Variants in LRRC4C observed in about 807,000 individuals in gnomAD.
LRRC4C encodes leucine-rich repeat-containing protein 4C.
Under a neutral mutation model 33.6 loss-of-function variants are expected in LRRC4C, and 5 were observed. The ratio of observed to expected loss-of-function variants is 0.15; its 90% confidence interval spans 0.08 to 0.31. The LOEUF (loss-of-function observed/expected upper bound fraction) is 0.31. LRRC4C is among the 10% of genes least tolerant of loss of function. The pLI, the probability that LRRC4C is intolerant of heterozygous loss-of-function variation, is 1.00. For synonymous variants in LRRC4C, 329 were observed against 302.0 expected (o/e 1.09, Z -0.93); for missense variants, 560 against 796.7 (o/e 0.70, Z 3.58).
chr11:40,497,256 T>C (rs1449658318), intron 3 of LRRC4C, among the ~76,000 whole-genome samples: 1 of 152,010 alleles, frequency 6.6e-6, no homozygotes, highest in Admixed American at 6.6e-5. Flanking sequence ...ATACAAAAAT[T>C]AGCCAGGCAT....
At chr11:41,184,672 A>G (rs150295816) in intron 1 of LRRC4C, among the ~76,000 whole-genome samples, 1 of 152,142 alleles carries the variant, frequency 6.6e-6, no homozygotes, top group African/African-American at 2.4e-5. Flanking sequence ...AACTGTTCCA[A>G]TCACTGCCTG....
intron 1 of LRRC4C, among the ~76,000 whole-genome samples, chr11:41,248,295 C>A (rs929283158): frequency 3.9e-5 from 6 of 152,148 alleles, no homozygotes; most frequent in African/African-American, 1.4e-4. Flanking sequence ...TATGACCTTT[C>A]TCCTCTCTAT....
chr11:40,312,410 T>C (rs995925005), intron 4 of LRRC4C, among the ~76,000 whole-genome samples: 32 of 152,208 alleles, frequency 2.1e-4, no homozygotes, highest in African/African-American at 7.7e-4. Context: ...GTGAAAACAG[T>C]GCTGTGAGAT....
chr11:40,343,725 A>AG (rs1555025544), intron 3 of LRRC4C, among the ~76,000 whole-genome samples: 9 of 151,092 alleles, frequency 6.0e-5, no homozygotes, highest in African/African-American at 9.7e-5. Context: ...AAAAAAAAAA[A>AG]AGAGAGAGAC....
At chr11:41,347,210 A>G (rs940848310) in intron 1 of LRRC4C, among the ~76,000 whole-genome samples, 2 of 152,224 alleles carry the variant, frequency 1.3e-5, no homozygotes, top group South Asian at 4.1e-4. Context: ...CTTGAGTTAT[A>G]GCACAGGAGG....
chr11:40,580,409 T>A (rs969947892), intron 3 of LRRC4C, among the ~76,000 whole-genome samples: 2 of 151,954 alleles, frequency 1.3e-5, no homozygotes, highest in Admixed American at 6.6e-5. Flanking sequence ...TCAAATCACC[T>A]CCCTCCCACA....
chr11:40,727,661 A>C (rs536495641), intron 2 of LRRC4C, among the ~76,000 whole-genome samples: 2 of 152,338 alleles, frequency 1.3e-5, no homozygotes, highest in Admixed American at 1.3e-4. Flanking sequence ...TGCATTCAAC[A>C]GAGGATCGAT....
intron 2 of LRRC4C, among the ~76,000 whole-genome samples, chr11:40,760,338 A>T (rs1477815485): frequency 6.6e-6 from 1 of 151,746 alleles, no homozygotes; most frequent in African/African-American, 2.4e-5. Context: ...GTGCCGAAAA[A>T]GGGAGAACTG....
Position 40,522,862 on chromosome 11 carries a change from C to T in LRRC4C, c.-270+125280G>A, listed in dbSNP as rs72901054. Among the ~76,000 whole-genome samples the T allele has an allele frequency of 3.6e-3, 546 of 152,220 alleles. 2 individuals carry two copies. The highest frequency in any genetic ancestry group is 6.0e-3 in the Non-Finnish European group (406 of 68,010). ...AATGTCTTCAAGTTCCATCATGTTA[C>T]GGCATAGGTCCAAATATCTTTTCTC... On this transcript the variant is annotated intron_variant, in intron 3 of 6. Transcript: ENST00000528697.
chr11:40,921,308 G>T (rs1440811041), intron 2 of LRRC4C, among the ~76,000 whole-genome samples: 14 of 152,242 alleles, frequency 9.2e-5, no homozygotes, highest in Non-Finnish European at 1.5e-5. Context: ...ATTTGAAACA[G>T]AAAAGTAACT....
At chr11:40,697,645 C>T (rs1171392454) in intron 2 of LRRC4C, among the ~76,000 whole-genome samples, 1 of 152,094 alleles carries the variant, frequency 6.6e-6, no homozygotes, top group African/African-American at 2.4e-5. Context: ...TTAGAGTTAG[C>T]TTACTCCCTT....
At chr11:41,215,014 G>GTATA (rs34328057) in intron 1 of LRRC4C, among the ~76,000 whole-genome samples, 12,541 of 130,832 alleles carry the variant, frequency 0.096, 658 homozygotes, top group Middle Eastern at 0.16. Context: ...TTTTATTCAT[G>GTATA]TATATATATA....
chr11:40,812,016 C>T (rs190509616), intron 2 of LRRC4C, among the ~76,000 whole-genome samples: 1 of 152,240 alleles, frequency 6.6e-6, no homozygotes, highest in African/African-American at 2.4e-5. Context: ...CTTCATGCAC[C>T]TTTTCCCTAT....
chr11:41,305,004 G>T (rs1308512894), intron 1 of LRRC4C, among the ~76,000 whole-genome samples: 48 of 83,442 alleles, frequency 5.8e-4, no homozygotes, highest in East Asian at 2.3e-3. Context: ...GGGAAGTGAG[G>T]AGCCCCTCTG....
At chr11:40,498,380 T>C (rs959806328) in intron 3 of LRRC4C, among the ~76,000 whole-genome samples, 1 of 152,232 alleles carries the variant, frequency 6.6e-6, no homozygotes, top group Non-Finnish European at 1.5e-5. Context: ...CCACTGCCAC[T>C]GATGCCGCAA....
chr11:40,470,105 G>A (rs989911633), intron 3 of LRRC4C, among the ~76,000 whole-genome samples: 2 of 152,172 alleles, frequency 1.3e-5, no homozygotes, highest in Non-Finnish European at 2.9e-5. Context: ...CTCCCAGCAG[G>A]GGTCGACAGA....
At chr11:41,405,912 A>C (rs1954213866) in intron 1 of LRRC4C, among the ~76,000 whole-genome samples, 1 of 152,182 alleles carries the variant, frequency 6.6e-6, no homozygotes, top group African/African-American at 2.4e-5. Context: ...AAAGATAAAA[A>C]ATATAAAAGA....
chr11:40,135,764 G>A lies in LRRC4C; in HGVS notation c.-43+5037C>T, dbSNP rs780052486. On this transcript the variant is annotated intron_variant, in intron 6 of 6. Transcript: ENST00000528697. ...CGATTCTAATATGGATATTAGAGAC[G>A]TTGGGTGATAATAATGCAAGTTACT... 3.3e-5 allele frequency among the ~76,000 whole-genome samples: 5 copies of A among 152,178 alleles called. 1 individual carries two copies. The highest frequency in any genetic ancestry group is 3.8e-4 in the East Asian group (2 of 5,200).
At chr11:40,837,886 CTA>C (rs67611635) in intron 2 of LRRC4C, among the ~76,000 whole-genome samples, 124,366 of 148,814 alleles carry the variant, frequency 0.84, 52,915 homozygotes, top group East Asian at 0.99. Context: ...GATGCTTAAA[CTA>C]TATATATATA....
Sources: gnomAD v4.1 joint callset for allele counts (sites outside exome capture counted in the v4.1 genomes callset) on GRCh38, gnomAD v4.1.1 for gene constraint, MANE v1.5 for transcripts, NCBI Gene and HGNC (gene_info 2026-07-23, HGNC 2026-07-21) for gene names.